The following DLGAP1 variants were observed in gnomAD, a reference collection of about 807,000 sequenced individuals.
DLGAP1 encodes disks large-associated protein 1.
In DLGAP1, 11 loss-of-function variants were observed where a neutral mutation model predicts 90.8. The observed-to-expected ratio is 0.12, with a 90% confidence interval of 0.08 to 0.20. The LOEUF (loss-of-function observed/expected upper bound fraction) is 0.20, where lower values mean the gene tolerates loss of function less well. DLGAP1 is among the 10% of genes least tolerant of loss of function. The pLI is 1.00. For missense variants in DLGAP1, 1,050 were observed against 1,333.8 expected (o/e 0.79, Z 3.31); for synonymous variants, 558 against 540.7 (o/e 1.03, Z -0.44).
chr18:4,396,555 C>G (rs759565270), intron 1 of DLGAP1, among the ~76,000 whole-genome samples: 13 of 152,100 alleles, frequency 8.5e-5, no homozygotes, highest in Non-Finnish European at 1.8e-4. Flanking sequence ...GTAGATAAAC[C>G]ATGTGGAGCT....
rs1279180493 is a variant in DLGAP1 at position 4,306,011 on chromosome 18, CACACACACAG to C, written c.-267+148985_-267+148994del. On this transcript the variant is annotated intron_variant, in intron 1 of 12. Transcript: ENST00000315677. ...GAAACAACTCCCAAAACATTACACA[CACACACACAG>C]ACACACACAAATACACACACACACA... Among the ~76,000 whole-genome samples, 3 of 124,208 alleles carry C rather than the reference CACACACACAG, an allele frequency of 2.4e-5. No homozygotes were observed. In the Admixed American group the frequency reaches 2.9e-4, roughly 12 times the overall value. 81.5% of individuals were successfully genotyped at this position (124,208 alleles called of 152,430 possible). A position where few individuals can be genotyped will look rare whatever the true frequency, so the allele number is the denominator to read the frequency against.
intron 1 of DLGAP1, among the ~76,000 whole-genome samples, chr18:4,263,769 T>C (rs191009682): frequency 4.8e-4 from 73 of 152,098 alleles, no homozygotes; most frequent in Non-Finnish European, 1.6e-4. Flanking sequence ...TAGGTGCTCT[T>C]TGTACATCAT....
intron 2 of DLGAP1, among the ~76,000 whole-genome samples, chr18:4,123,359 A>T (rs917295327): frequency 6.6e-6 from 1 of 152,086 alleles, no homozygotes; most frequent in African/African-American, 2.4e-5. Flanking sequence ...TAGAACTGGG[A>T]CAATATACAC....
At chr18:4,119,523 A>T (rs541222003) in intron 2 of DLGAP1, among the ~76,000 whole-genome samples, 1 of 152,218 alleles carries the variant, frequency 6.6e-6, no homozygotes, top group Admixed American at 6.5e-5. Context: ...TATTGAAATG[A>T]TAATAGCACT....
At chr18:3,622,255 CCAA>C in intron 7 of DLGAP1, among the ~76,000 whole-genome samples, 1 of 152,050 alleles carries the variant, frequency 6.6e-6, no homozygotes, top group African/African-American at 2.4e-5. Context: ...CAGGCGCCCA[CCAA>C]CACGCCCGGC....
rs7235784 is a variant in DLGAP1 at position 3,938,922 on chromosome 18, G to A, written c.-72-58782C>T. On this transcript the variant is annotated intron_variant, in intron 3 of 12. Coordinates refer to ENST00000315677, the MANE Select transcript of DLGAP1 (RefSeq NM_004746.4). ...AGGTGATTGGGCTTGAACTAGAAAA[G>A]GGACAGCGAAGGTGATGACAAGTGC... Among the ~76,000 whole-genome samples the A allele has an allele frequency of 1.5e-3, 226 of 152,298 alleles. 1 individual carries two copies. Among genetic ancestry groups the A allele is most frequent in the African/African-American group, 5.2e-3 (216 of 41,558 alleles).
In DLGAP1 at chr18:3,764,157, C is replaced by T. The variant is rs77052263; in HGVS notation, c.1173-21645G>A. 4.4e-3 allele frequency among the ~76,000 whole-genome samples: 667 copies of T among 152,256 alleles called. 3 individuals carry two copies. Among genetic ancestry groups the T allele is most frequent in the South Asian group, 0.02 (97 of 4,832 alleles). ...GTATTAAGGATTATTATAACAATTA[C>T]GAAGTATTATTATACCTATTTTCAA... On this transcript the variant is annotated intron_variant, in intron 5 of 12. Transcript: ENST00000315677.
At chr18:3,638,449 T>C (rs1274578617) in intron 7 of DLGAP1, among the ~76,000 whole-genome samples, 1 of 152,064 alleles carries the variant, frequency 6.6e-6, no homozygotes, top group Non-Finnish European at 1.5e-5. Context: ...TAGGGTCTTA[T>C]GATATTGCCC....
chr18:4,057,004 TAC>T (rs55887550), intron 2 of DLGAP1, among the ~76,000 whole-genome samples: 6,486 of 114,782 alleles, frequency 0.057, 168 homozygotes, highest in Admixed American at 0.064. Context: ...TGACCATACA[TAC>T]ACACACACAC....
intron 5 of DLGAP1, among the ~76,000 whole-genome samples, chr18:3,786,186 T>C (rs2065440691): frequency 6.6e-6 from 1 of 152,170 alleles, no homozygotes. Context: ...GTCCATTTTG[T>C]CATGTAAGGT....
At chr18:3,750,998 C>G (rs375817876) in intron 5 of DLGAP1, among the ~76,000 whole-genome samples, 1 of 152,324 alleles carries the variant, frequency 6.6e-6, no homozygotes, top group African/African-American at 2.4e-5. Context: ...CTGTTACACA[C>G]TTTTCCCATT....
chr18:3,782,511 G>A (rs1221322979), intron 5 of DLGAP1, among the ~76,000 whole-genome samples: 2 of 152,192 alleles, frequency 1.3e-5, no homozygotes, highest in Non-Finnish European at 2.9e-5. Context: ...CTTTGCAGGT[G>A]TTGATGATGC....
At chr18:4,300,274 C>T (rs905523663) in intron 1 of DLGAP1, among the ~76,000 whole-genome samples, 7 of 152,038 alleles carry the variant, frequency 4.6e-5, no homozygotes, top group African/African-American at 1.7e-4. Flanking sequence ...ATAAAATGAT[C>T]GTGTTTAAAT....
At chr18:4,240,804 T>A (rs933083552) in intron 1 of DLGAP1, among the ~76,000 whole-genome samples, 1 of 152,226 alleles carries the variant, frequency 6.6e-6, no homozygotes, top group Admixed American at 6.5e-5. Context: ...TCTCTTCCAA[T>A]GCATGCTGTT....
At chr18:4,197,370 T>C (rs537778426) in intron 1 of DLGAP1, among the ~76,000 whole-genome samples, 63 of 152,060 alleles carry the variant, frequency 4.1e-4, no homozygotes, top group African/African-American at 1.5e-3. Flanking sequence ...GGGTAGTATA[T>C]AGGGCATAAA....
chr18:4,317,097 T>C (rs575687013), intron 1 of DLGAP1, among the ~76,000 whole-genome samples: 1 of 152,308 alleles, frequency 6.6e-6, no homozygotes, highest in South Asian at 2.1e-4. Flanking sequence ...GGTCAGGTTT[T>C]AATATTTCCA....
intron 9 of DLGAP1, among the ~76,000 whole-genome samples, chr18:3,551,429 A>C (rs1019553029): frequency 3.3e-5 from 5 of 151,316 alleles, no homozygotes; most frequent in African/African-American, 4.9e-5. Flanking sequence ...TTGTATTTTT[A>C]GTAGAGACAA....
intron 9 of DLGAP1, among the ~76,000 whole-genome samples, chr18:3,541,995 C>T (rs1397380548): frequency 6.6e-6 from 1 of 152,094 alleles, no homozygotes; most frequent in Non-Finnish European, 1.5e-5. Flanking sequence ...CCGGGGCTTT[C>T]CTTCAACACC....
At chr18:4,437,104 T>G (rs2083418393) in intron 1 of DLGAP1, among the ~76,000 whole-genome samples, 1 of 152,172 alleles carries the variant, frequency 6.6e-6, no homozygotes, top group Non-Finnish European at 1.5e-5. Context: ...CCAATAAAGT[T>G]TCTGAGGAAT....
Sources: allele counts gnomAD v4.1 joint callset (sites outside exome capture counted in the v4.1 genomes callset), GRCh38; gene constraint gnomAD v4.1.1; transcripts MANE v1.5; gene names NCBI Gene and HGNC (gene_info 2026-07-23, HGNC 2026-07-21).